Variants in LPP observed in about 807,000 individuals in gnomAD.
LPP encodes the protein lipoma-preferred partner.
In LPP, 38 loss-of-function variants were observed where a neutral mutation model predicts 60.4. That is an observed-to-expected ratio of 0.63 (90% CI 0.49 to 0.83). The LOEUF (loss-of-function observed/expected upper bound fraction) is 0.83. Ranked by LOEUF, LPP falls within the 40% of genes least tolerant of loss-of-function variation. The pLI is 0.00. For missense variants in LPP, 902 were observed against 783.6 expected, an observed-to-expected ratio of 1.15 and a Z score of -1.80; for synonymous variants, 328 against 290.8, an observed-to-expected ratio of 1.13 and a Z score of -1.30.
intron 6 of LPP, among the ~76,000 whole-genome samples, chr3:188,540,990 C>T (rs904493840): frequency 1.3e-5 from 2 of 152,184 alleles, no homozygotes; most frequent in Non-Finnish European, 2.9e-5. Flanking sequence ...GTCCTACCAT[C>T]TGAAAGACAT....
chr3:188,734,060 T>C (rs1228980626), intron 8 of LPP, among the ~76,000 whole-genome samples: 1 of 152,150 alleles, frequency 6.6e-6, no homozygotes, highest in Admixed American at 6.6e-5. Context: ...TATTATTTTA[T>C]ATATCCTTCT....
intron 8 of LPP, among the ~76,000 whole-genome samples, chr3:188,736,323 G>A (rs567599549): frequency 6.6e-6 from 1 of 151,762 alleles, no homozygotes; most frequent in Non-Finnish European, 1.5e-5. Flanking sequence ...ATAAGCAAAG[G>A]GTTAACAACT....
At chr3:188,716,240 A>G (rs931488516) in intron 8 of LPP, among the ~76,000 whole-genome samples, 1 of 152,250 alleles carries the variant, frequency 6.6e-6, no homozygotes, top group South Asian at 2.1e-4. Context: ...AAGTGAAGGC[A>G]TGAGGCAGCA....
intron 6 of LPP, among the ~76,000 whole-genome samples, chr3:188,590,529 G>A (rs1014429450): frequency 3.3e-5 from 5 of 152,190 alleles, no homozygotes; most frequent in South Asian, 2.1e-4. Context: ...AGCTGAGATC[G>A]CGTCACTGCA....
chr3:188,809,293 C>T (rs1014885794), intron 9 of LPP, among the ~76,000 whole-genome samples: 2 of 152,258 alleles, frequency 1.3e-5, no homozygotes, highest in East Asian at 3.9e-4. Context: ...AATTTACATT[C>T]CCAACAACAG....
chr3:188,838,681 A>G (rs926130745), intron 9 of LPP, among the ~76,000 whole-genome samples: 47 of 152,326 alleles, frequency 3.1e-4, no homozygotes, highest in African/African-American at 1.1e-3. Flanking sequence ...CAGCCATAAA[A>G]AGGGATGAGT....
chr3:188,321,073 C>G (rs1474785346), intron 2 of LPP, among the ~76,000 whole-genome samples: 3 of 152,228 alleles, frequency 2.0e-5, no homozygotes, highest in African/African-American at 7.2e-5. Context: ...GTCTCTTGGT[C>G]TTGAGATAGA....
intron 2 of LPP, among the ~76,000 whole-genome samples, chr3:188,299,963 C>T (rs1261688658): frequency 6.6e-6 from 1 of 152,158 alleles, no homozygotes; most frequent in African/African-American, 2.4e-5. Context: ...ACTCTGTAAA[C>T]AGAAAAATAC....
At chr3:188,717,880 C>A (rs980071024) in intron 8 of LPP, among the ~76,000 whole-genome samples, 3 of 151,650 alleles carry the variant, frequency 2.0e-5, no homozygotes, top group African/African-American at 7.3e-5. Context: ...TGCAATGGTG[C>A]GATCTCGGTG....
chr3:188,384,738 T>C (rs1777785026), intron 3 of LPP, among the ~76,000 whole-genome samples: 1 of 141,360 alleles, frequency 7.1e-6, no homozygotes, highest in Non-Finnish European at 1.5e-5. Flanking sequence ...TGCAGTGAGC[T>C]GAGATTGCGT....
intron 9 of LPP, among the ~76,000 whole-genome samples, chr3:188,841,693 C>G (rs2151743240): frequency 6.6e-6 from 1 of 152,294 alleles, no homozygotes; most frequent in Admixed American, 6.5e-5. Flanking sequence ...CATTTATTTG[C>G]TTGAAACAGA....
At chr3:188,642,665 G>A (rs927759581) in intron 7 of LPP, among the ~76,000 whole-genome samples, 9 of 152,118 alleles carry the variant, frequency 5.9e-5, no homozygotes, top group Non-Finnish European at 8.8e-5. Flanking sequence ...GGTCAGGTGC[G>A]GTGGCTCACA....
intron 8 of LPP, 86 bp from the exon 9 acceptor site, chr3:188,760,027 T>TTC (rs1731653363): frequency 8.4e-7 from 1 of 1,196,210 alleles, no homozygotes; most frequent in Admixed American, 1.9e-5. Flanking sequence ...GCTGCTGACG[T>TTC]TATGAACCTG....
At chr3:188,240,098 T>C (rs1723435789) in intron 2 of LPP, 2 of 195,392 alleles carry the variant, frequency 1.0e-5, no homozygotes, top group African/African-American at 2.3e-5. Flanking sequence ...AGCTGGCAGA[T>C]GGATACATCT....
chr3:188,490,899 C>A (rs1382666594), intron 5 of LPP, among the ~76,000 whole-genome samples: 1 of 151,886 alleles, frequency 6.6e-6, no homozygotes, highest in East Asian at 1.9e-4. Flanking sequence ...GGACCACAGG[C>A]ACCCACCACC....
intron 2 of LPP, among the ~76,000 whole-genome samples, chr3:188,306,246 A>T (rs62291423): frequency 8.0e-6 from 1 of 125,758 alleles, no homozygotes; most frequent in Non-Finnish European, 1.6e-5. Context: ...ATGTCCAGCT[A>T]ATTTTTTTTT....
chr3:188,423,653 T>C (rs1788487338), intron 4 of LPP, among the ~76,000 whole-genome samples: 1 of 152,256 alleles, frequency 6.6e-6, no homozygotes, highest in East Asian at 1.9e-4. Context: ...TGGCATGAGA[T>C]GGTATCTCAC....
intron 9 of LPP, among the ~76,000 whole-genome samples, chr3:188,838,001 C>CAACATATGCAAACTT (rs1758916036): frequency 6.6e-6 from 1 of 152,096 alleles, no homozygotes; most frequent in Non-Finnish European, 1.5e-5. Context: ...TATGCAAACT[C>CAACATATGCAAACTT]AACATATGCA....
At chr3:188,657,251 T>A (rs1236382605) in intron 7 of LPP, among the ~76,000 whole-genome samples, 1 of 117,764 alleles carries the variant, frequency 8.5e-6, no homozygotes, top group Non-Finnish European at 1.8e-5. Flanking sequence ...TCAAGAGCTG[T>A]CAAGGTGTAT....
Sources: gnomAD v4.1 joint callset for allele counts (sites outside exome capture counted in the v4.1 genomes callset) on GRCh38, gnomAD v4.1.1 for gene constraint, MANE v1.5 for transcripts, NCBI Gene and HGNC (gene_info 2026-07-23, HGNC 2026-07-21) for gene names.